DIAPH3: variants seen among roughly 807,000 people sequenced by gnomAD.
The protein encoded by DIAPH3 is protein diaphanous homolog 3.
DIAPH3 carries 117 observed loss-of-function variants against 144.3 expected under a neutral mutation model. The observed-to-expected ratio is 0.81, with a 90% CI of 0.70 to 0.95. The LOEUF (loss-of-function observed/expected upper bound fraction) is 0.95. DIAPH3 is among the 40% of genes least tolerant of loss of function. The pLI is 0.00. For synonymous variants in DIAPH3, 519 were observed against 488.9 expected, an observed-to-expected ratio of 1.06 and a Z score of -0.81; for missense variants, 1,421 against 1,412.7, an observed-to-expected ratio of 1.01 and a Z score of -0.09.
intron 5 of DIAPH3, among the ~76,000 whole-genome samples, chr13:60,027,895 A>G (rs1033772781): frequency 3.3e-5 from 5 of 152,146 alleles, no homozygotes; most frequent in African/African-American, 1.2e-4. Flanking sequence ...GTCACATTTC[A>G]GGCTTTTCAC....
At chr13:60,016,192 T>C in intron 5 of DIAPH3, 47 bp from the exon 6 acceptor site, 1 of 1,541,368 alleles carries the variant, frequency 6.5e-7, no homozygotes, top group South Asian at 1.1e-5. Context: ...TAACGCAGCT[T>C]GTGTTATCAT....
At chr13:59,819,628 C>G (rs1210546664) in intron 24 of DIAPH3, among the ~76,000 whole-genome samples, 2 of 150,836 alleles carry the variant, frequency 1.3e-5, no homozygotes, top group African/African-American at 4.9e-5. Context: ...TGCAAACAAA[C>G]AAACAAAAAA....
chr13:59,891,717 AAC>A (rs1223176289), intron 20 of DIAPH3, among the ~76,000 whole-genome samples: 4 of 152,032 alleles, frequency 2.6e-5, no homozygotes, highest in Non-Finnish European at 4.4e-5. Flanking sequence ...TGCTAAAAGC[AAC>A]TTTAAGTACA....
intron 9 of DIAPH3, among the ~76,000 whole-genome samples, chr13:59,997,378 C>T (rs1221305194): frequency 1.6e-4 from 24 of 152,104 alleles, no homozygotes; most frequent in Admixed American, 1.5e-3. Flanking sequence ...GACAGGAGTT[C>T]GTTCCTTTTT....
chr13:59,738,132 A>C (rs573884192), intron 27 of DIAPH3, among the ~76,000 whole-genome samples: 1 of 152,294 alleles, frequency 6.6e-6, no homozygotes, highest in East Asian at 1.9e-4. Context: ...ACGCCACTGC[A>C]CTCCAGCCTG....
intron 7 of DIAPH3, chr13:60,012,995 CAT>C (rs2053380580): frequency 1.0e-6 from 1 of 985,094 alleles, no homozygotes; most frequent in South Asian, 4.7e-5. Context: ...ATTTAAAAAA[CAT>C]AGCAAAACAA....
rs956424200 is a variant in DIAPH3, at chr13:59,980,829, T to C, written c.1511A>G (p.Glu504Gly). ...DICIDQAKLE[E>G]FEEKASELYK... is the part of the protein sequence containing the mutation. ...AAGTTCTGATGCTTTCTCTTCAAAC[T>C]CTTCTAGTTTTGCTTGATCTATGCA... Residue 504 changes from glutamate to glycine, a missense_variant, in exon 14 of 28, where the codon GAG (glutamate) becomes GGG (glycine). Coordinates refer to ENST00000400324, the MANE Select transcript of DIAPH3 (RefSeq NM_001042517.2). 1.9e-6 allele frequency: 3 copies of C among 1,609,664 alleles called. No homozygotes were observed. The highest frequency in any genetic ancestry group is 2.5e-6 in the Non-Finnish European group (3 of 1,177,286).
intron 23 of DIAPH3, chr13:59,838,544 T>C (rs1010728942): frequency 3.9e-5 from 6 of 152,180 alleles, no homozygotes; most frequent in East Asian, 3.9e-4. Flanking sequence ...TTAAATTTTA[T>C]GGAGCACAAA....
intron 5 of DIAPH3, among the ~76,000 whole-genome samples, chr13:60,031,698 G>A (rs911017010): frequency 1.5e-5 from 2 of 136,218 alleles, no homozygotes; most frequent in Non-Finnish European, 3.1e-5. Context: ...CAGGCCCTAA[G>A]CAAGTTTGAA....
At chr13:59,704,453 C>T (rs2034301825) in intron 27 of DIAPH3, among the ~76,000 whole-genome samples, 1 of 152,186 alleles carries the variant, frequency 6.6e-6, no homozygotes, top group African/African-American at 2.4e-5. Context: ...TGTTGATCTG[C>T]CACCCTCATA....
intron 22 of DIAPH3, among the ~76,000 whole-genome samples, chr13:59,843,999 G>A (rs530930151): frequency 1.5e-4 from 23 of 151,862 alleles, no homozygotes; most frequent in South Asian, 1.5e-3. Context: ...GCTAATGCAT[G>A]GCAGGCTTAA....
intron 17 of DIAPH3, among the ~76,000 whole-genome samples, chr13:59,947,526 C>CAGGAGGAGGGAG (rs1458710299): frequency 6.6e-6 from 1 of 151,856 alleles, no homozygotes; most frequent in African/African-American, 2.4e-5. Flanking sequence ...GACAGAAAAG[C>CAGGAGGAGGGAG]AGGAGGAGGG....
At chr13:59,977,838 G>A (rs1359710759) in intron 14 of DIAPH3, among the ~76,000 whole-genome samples, 2 of 151,796 alleles carry the variant, frequency 1.3e-5, no homozygotes, top group Non-Finnish European at 2.9e-5. Flanking sequence ...AATGCAGGGG[G>A]AAAAGATATT....
intron 2 of DIAPH3, among the ~76,000 whole-genome samples, chr13:60,124,986 C>A (rs58312993): frequency 6.6e-6 from 1 of 152,122 alleles, no homozygotes; most frequent in Non-Finnish European, 1.5e-5. Flanking sequence ...CCTGGCTGCC[C>A]TCTATGACTC....
intron 2 of DIAPH3, among the ~76,000 whole-genome samples, chr13:60,121,259 T>A (rs1378962618): frequency 6.6e-6 from 1 of 152,072 alleles, no homozygotes; most frequent in South Asian, 2.1e-4. Flanking sequence ...TATGCATAAC[T>A]GAAAGAAATA....
intron 1 of DIAPH3, chr13:60,147,186 A>AG (rs1951567487): frequency 6.6e-6 from 1 of 152,222 alleles, no homozygotes; most frequent in Non-Finnish European, 1.5e-5. Context: ...AGGAAAAAAA[A>AG]TGCTGCCAAG....
At chr13:60,007,323 T>C (rs2052941740) in intron 9 of DIAPH3, among the ~76,000 whole-genome samples, 1 of 152,234 alleles carries the variant, frequency 6.6e-6, no homozygotes, top group Non-Finnish European at 1.5e-5. Flanking sequence ...AGTGCTAGGA[T>C]TACAGGCATG....
At chr13:60,090,500 T>TA (rs1416535047) in intron 4 of DIAPH3, among the ~76,000 whole-genome samples, 1 of 152,182 alleles carries the variant, frequency 6.6e-6, no homozygotes, top group Non-Finnish European at 1.5e-5. Flanking sequence ...AAAATAATAT[T>TA]AATGCTTACC....
Position 60,156,918 on chromosome 13 carries a change from C to CACATATATATATATATATATAT in DIAPH3, c.180+6668_180+6669insATATATATATATATATATATGT, listed in dbSNP as rs1324633645. The stretch of plus-strand genomic sequence containing the variant: ...TAGTGGCCCAGAGACCCAGATCCTT[C>CACATATATATATATATATATAT]ATATATATATATATATATATATTTT... On this transcript the variant is annotated intron_variant, in intron 1 of 27. Coordinates refer to ENST00000400324, the MANE Select transcript of DIAPH3 (RefSeq NM_001042517.2). 5.8e-4 allele frequency among the ~76,000 whole-genome samples: 32 copies of CACATATATATATATATATATAT among 55,348 alleles called. 3 individuals carry two copies. Among genetic ancestry groups the CACATATATATATATATATATAT allele is most frequent in the Admixed American group, 2.6e-3 (9 of 3,470 alleles). The allele number at this position is 55,348 out of a possible 152,430, so 36.3% of individuals were successfully genotyped here.
Sources: gnomAD v4.1 joint callset for allele counts (sites outside exome capture counted in the v4.1 genomes callset) on GRCh38, gnomAD v4.1.1 for gene constraint, MANE v1.5 for transcripts, NCBI Gene and HGNC (gene_info 2026-07-23, HGNC 2026-07-21) for gene names.